Variants in COL27A1 observed in about 807,000 individuals in gnomAD.
The protein encoded by COL27A1 is collagen alpha-1(XXVII) chain.
In COL27A1, 106 loss-of-function variants were observed where a neutral mutation model predicts 251.3. The ratio of observed to expected loss-of-function variants is 0.42; its 90% confidence interval spans 0.36 to 0.50. The LOEUF (loss-of-function observed/expected upper bound fraction) is 0.50, where lower values mean the gene tolerates loss of function less well. COL27A1 is among the 20% of genes least tolerant of loss of function. The pLI is 0.00. For synonymous variants in COL27A1, 1,000 were observed against 986.3 expected, an observed-to-expected ratio of 1.01 and a Z score of -0.26; for missense variants, 2,325 against 2,522.8, an observed-to-expected ratio of 0.92 and a Z score of 1.68.
rs1000917718 is a variant in COL27A1 at position 114,156,095 on chromosome 9, T to C, written c.62+83T>C. On this transcript the variant is annotated intron_variant, in intron 1 of 60. Coordinates refer to ENST00000356083, the MANE Select transcript of COL27A1 (RefSeq NM_032888.4). ...AGGGCCGGGGTTCCCCGCCATGCGG[T>C]CGCTTCCAGCGGAACGTCAGCTTCC... is the stretch of plus-strand genomic sequence containing the variant. The C allele has an allele frequency of 6.2e-6, 8 of 1,286,658 alleles. No homozygotes were observed. In the African/African-American group the frequency reaches 1.2e-4, roughly 20 times the overall value. 79.7% of individuals were successfully genotyped at this position (1,286,658 alleles called of 1,614,324 possible).
At chr9:114,301,982 G>A in intron 55 of COL27A1, 100 bp from the exon 56 acceptor site, 1 of 1,207,020 alleles carries the variant, frequency 8.3e-7, no homozygotes, top group Non-Finnish European at 1.2e-6. Flanking sequence ...CAGCTTGGCA[G>A]GTCCTGCATG....
chr9:114,278,563 G>A (rs1253926174), intron 37 of COL27A1, among the ~76,000 whole-genome samples: 2 of 140,416 alleles, frequency 1.4e-5, no homozygotes, highest in Non-Finnish European at 3.0e-5. Context: ...TGGCAGGGGA[G>A]TGATGATGGT....
At chr9:114,305,308 G>T (rs1828957828) in intron 57 of COL27A1, among the ~76,000 whole-genome samples, 1 of 152,192 alleles carries the variant, frequency 6.6e-6, no homozygotes, top group Admixed American at 6.5e-5. Context: ...TCACAGTCTA[G>T]GGTGGAGGAC....
At chr9:114,291,032 C>A in intron 48 of COL27A1, 115 bp downstream of exon 48, 1 of 693,252 alleles carries the variant, frequency 1.4e-6, no homozygotes, top group South Asian at 2.0e-5. Flanking sequence ...AAAATGGAGT[C>A]CACATTGTTG....
chr9:114,230,103 A>G (rs1448460497), intron 14 of COL27A1, among the ~76,000 whole-genome samples: 1 of 152,210 alleles, frequency 6.6e-6, no homozygotes, highest in Non-Finnish European at 1.5e-5. Flanking sequence ...AAACCGAGGC[A>G]TGGAGACATC....
intron 41 of COL27A1, among the ~76,000 whole-genome samples, chr9:114,288,236 G>A (rs561067529): frequency 5.3e-5 from 8 of 152,280 alleles, no homozygotes; most frequent in South Asian, 2.1e-4. Context: ...GCTCAAGGGC[G>A]TCTGGAGGGC....
chr9:114,193,438 C>T (rs575352337), intron 5 of COL27A1, among the ~76,000 whole-genome samples: 1 of 152,082 alleles, frequency 6.6e-6, no homozygotes, highest in South Asian at 2.1e-4. Flanking sequence ...ATGGGGGACT[C>T]ACTGCTTGTC....
intron 27 of COL27A1, among the ~76,000 whole-genome samples, chr9:114,256,358 C>T (rs1406785854): frequency 2.0e-5 from 3 of 152,104 alleles, no homozygotes; most frequent in Non-Finnish European, 4.4e-5. Flanking sequence ...CCGGGCATGG[C>T]GGCGGGCACC....
chr9:114,268,470 C>T lies in COL27A1; in HGVS notation c.3502-771C>T, dbSNP rs755318359. On this transcript the variant is annotated intron_variant, in intron 34 of 60. Coordinates refer to ENST00000356083, the MANE Select transcript of COL27A1 (RefSeq NM_032888.4). ...TGCAGGGGGCAGGTGACATTTATTC[C>T]GGCTCATTTAGGGCTTCCTCCTCGT... is the stretch of plus-strand genomic sequence containing the variant. Among the ~76,000 whole-genome samples, 12 of 152,266 alleles carry T rather than the reference C, an allele frequency of 7.9e-5. 1 individual carries two copies. The highest frequency in any genetic ancestry group is 1.3e-4 in the Non-Finnish European group (9 of 68,016).
At chr9:114,281,665 C>G (rs1835917999) in intron 37 of COL27A1, among the ~76,000 whole-genome samples, 1 of 152,206 alleles carries the variant, frequency 6.6e-6, no homozygotes, top group African/African-American at 2.4e-5. Flanking sequence ...TAGGGAAGAA[C>G]CTATAAATCC....
chr9:114,233,397 TCTC>T (rs1438581933), intron 16 of COL27A1, among the ~76,000 whole-genome samples: 1 of 151,868 alleles, frequency 6.6e-6, no homozygotes, highest in Non-Finnish European at 1.5e-5. Flanking sequence ...ACCTCTTCCA[TCTC>T]CTCCTGTCAT....
intron 4 of COL27A1, among the ~76,000 whole-genome samples, chr9:114,181,836 A>G (rs564637444): frequency 1.3e-5 from 2 of 152,236 alleles, no homozygotes; most frequent in East Asian, 3.9e-4. Context: ...CTTGGCCACA[A>G]ATCTGCTGTA....
chr9:114,215,101 C>T (rs183016766), intron 12 of COL27A1, among the ~76,000 whole-genome samples: 127 of 152,372 alleles, frequency 8.3e-4, no homozygotes, highest in African/African-American at 1.2e-3. Context: ...GCAGTGAGTC[C>T]GGAGGGAAGA....
chr9:114,159,807 G>A (rs537699215), intron 1 of COL27A1, among the ~76,000 whole-genome samples: 9 of 152,336 alleles, frequency 5.9e-5, no homozygotes, highest in African/African-American at 2.2e-4. Context: ...CAGGATGGAA[G>A]TACCTGCCTT....
intron 59 of COL27A1, 84 bp from the exon 60 acceptor site, chr9:114,309,176 T>C (rs1564596782): frequency 9.2e-7 from 1 of 1,091,126 alleles, no homozygotes. Flanking sequence ...CTATCCCTGT[T>C]CCCTCCATAG....
chr9:114,289,191 C>T (rs1827733668), intron 44 of COL27A1, 51 bp from the exon 45 acceptor site: 1 of 1,543,308 alleles, frequency 6.5e-7, no homozygotes, highest in East Asian at 2.4e-5. Context: ...GGCCACCCTC[C>T]CCGGGAGAGA....
rs191420656 is a variant in COL27A1, at chr9:114,173,957, G to A, written c.1909-4334G>A. Among the ~76,000 whole-genome samples the A allele has an allele frequency of 2.4e-3, 342 of 140,372 alleles. 1 individual carries two copies. Among genetic ancestry groups the A allele is most frequent in the African/African-American group, 8.5e-3 (322 of 37,792 alleles). The allele number at this position is 140,372 out of a possible 152,430, so 92.1% of individuals were successfully genotyped here. A position where few individuals can be genotyped will look rare whatever the true frequency, so the allele number is the denominator to read the frequency against. On this transcript the variant is annotated intron_variant, in intron 3 of 60. Coordinates refer to ENST00000356083, the MANE Select transcript of COL27A1 (RefSeq NM_032888.4). ...TCATGACACATGTCAGCTAGACAGC[G>A]GGGGTTTGGGGGAGGACTGCCCCCA...
chr9:114,281,599 G>C (rs768254574), intron 37 of COL27A1, among the ~76,000 whole-genome samples: 22 of 152,232 alleles, frequency 1.4e-4, no homozygotes, highest in Admixed American at 7.2e-4. Flanking sequence ...GGAGGGGCCC[G>C]TTCAAGGGAC....
At chr9:114,208,796 G>T (rs368221271) in intron 10 of COL27A1, among the ~76,000 whole-genome samples, 1 of 152,122 alleles carries the variant, frequency 6.6e-6, no homozygotes, top group African/African-American at 2.4e-5. Context: ...GATTGCTTCC[G>T]GCTTGGGGTA....
Sources: allele counts gnomAD v4.1 joint callset (sites outside exome capture counted in the v4.1 genomes callset), GRCh38; gene constraint gnomAD v4.1.1; transcripts MANE v1.5; gene names NCBI Gene and HGNC (gene_info 2026-07-23, HGNC 2026-07-21).